MCF2L: variants seen among roughly 807,000 people sequenced by gnomAD.
MCF2L encodes guanine nucleotide exchange factor DBS.
MCF2L carries 97 observed loss-of-function variants against 153.4 expected under a neutral mutation model. The observed-to-expected ratio is 0.63, with a 90% CI of 0.54 to 0.75. The LOEUF (loss-of-function observed/expected upper bound fraction) is 0.75. Among genes scored for constraint, MCF2L ranks in the 30% least tolerant of loss-of-function variants. The pLI is 0.00. For synonymous variants in MCF2L, 659 were observed against 632.2 expected, an observed-to-expected ratio of 1.04 and a Z score of -0.64; for missense variants, 1,347 against 1,495.2, an observed-to-expected ratio of 0.90 and a Z score of 1.64.
chr13:113,011,283 A>G lies in MCF2L; in HGVS notation c.80-3480A>G, dbSNP rs566857925. ...CTGTGTGCAGTTTCTGATCACACAC[A>G]GGGGGATCCCTGCTTTTCATACCCA... On this transcript the variant is annotated intron_variant, in intron 1 of 29. Coordinates refer to ENST00000535094, the MANE Select transcript of MCF2L (RefSeq NM_001112732.3). Among the ~76,000 whole-genome samples the G allele has an allele frequency of 2.6e-5, 4 of 152,352 alleles. No individual in the cohort carries two copies. The South Asian group carries it at 6.2e-4, about 24-fold the overall frequency.
chr13:112,900,172 TG>T (rs2081106710), intron 1 of MCF2L, among the ~76,000 whole-genome samples: 1 of 152,250 alleles, frequency 6.6e-6, no homozygotes, highest in Admixed American at 6.5e-5. Context: ...ATTTTGCTTT[TG>T]TTTTTTTAAC....
chr13:113,079,306 A>G (rs917488407), intron 15 of MCF2L, among the ~76,000 whole-genome samples: 1 of 152,216 alleles, frequency 6.6e-6, no homozygotes, highest in African/African-American at 2.4e-5. Flanking sequence ...CAGGGAATGC[A>G]GGTCCCCAGA....
At position 112,941,758 on chromosome 13, in the gene MCF2L, ATATC is replaced by A. The variant is rs1258292054; in HGVS notation, c.169+39388_169+39391del. Among the ~76,000 whole-genome samples, 2 of 152,252 alleles carry A rather than the reference ATATC, an allele frequency of 1.3e-5. No individual in the cohort carries two copies. Among genetic ancestry groups the A allele is most frequent in the Admixed American group, 1.3e-4 (2 of 15,282 alleles). Reference sequence around the variant, plus strand: ...CGATCTTAGATGTGATTATATATGAATATCAATCATTAGTTTGTAGCAATTACTC... The same window carrying A: ...CGATCTTAGATGTGATTATATATGAAAATCATTAGTTTGTAGCAATTACTC... On this transcript the variant is annotated intron_variant, in intron 2 of 29. Coordinates refer to the MCF2L transcript ENST00000375608. The surrounding 1 kb of genome is among the most constrained non-coding windows in gnomAD (Gnocchi z 4.9).
chr13:112,973,853 G>A (rs1239566578), intron 1 of MCF2L, among the ~76,000 whole-genome samples: 1 of 152,184 alleles, frequency 6.6e-6, no homozygotes, highest in Admixed American at 6.5e-5. Flanking sequence ...AGAAGGGGAT[G>A]CCTGCGAGGT....
At chr13:112,947,678 C>A (rs538035677) in intron 2 of MCF2L, among the ~76,000 whole-genome samples, 1 of 152,316 alleles carries the variant, frequency 6.6e-6, no homozygotes, top group South Asian at 2.1e-4. Flanking sequence ...TGGGGTTGGG[C>A]ACCCCAGGTC....
intron 26 of MCF2L, among the ~76,000 whole-genome samples, chr13:113,091,769 C>T (rs147716317): frequency 6.6e-6 from 1 of 151,818 alleles, no homozygotes; most frequent in Non-Finnish European, 1.5e-5. Context: ...GTGAAAACTG[C>T]CCTGTGAAGC....
In MCF2L at chr13:112,986,407, C is replaced by T. The variant is rs116046659; in HGVS notation, c.79+16949C>T. 8.5e-3 allele frequency among the ~76,000 whole-genome samples: 1,290 copies of T among 152,310 alleles called. 19 individuals carry two copies. The highest frequency in any genetic ancestry group is 0.029 in the African/African-American group (1,213 of 41,550). On this transcript the variant is annotated intron_variant, in intron 1 of 29. Transcript: ENST00000535094. ...ATCACAGGGTTGTCAGAGCGTCCCA[C>T]GAACGGTGTGGGAGGACACAGCAGT...
intron 1 of MCF2L, among the ~76,000 whole-genome samples, chr13:113,005,387 C>T (rs2083619282): frequency 6.6e-6 from 1 of 152,212 alleles, no homozygotes; most frequent in Admixed American, 6.5e-5. Flanking sequence ...CACAGAGTTT[C>T]CGTTGTGCCA....
At chr13:113,025,762 G>T (rs1171471281) in intron 3 of MCF2L, among the ~76,000 whole-genome samples, 1 of 146,192 alleles carries the variant, frequency 6.8e-6, no homozygotes, top group Non-Finnish European at 1.5e-5. Context: ...CTGCAACTAT[G>T]GGATGAGGCA....
At chr13:113,085,523 G>A (rs1389541398) in intron 20 of MCF2L, among the ~76,000 whole-genome samples, 1 of 152,190 alleles carries the variant, frequency 6.6e-6, no homozygotes, top group African/African-American at 2.4e-5. Flanking sequence ...GGGGATTCCA[G>A]CTATGAGTTT....
At chr13:113,083,001 T>C (rs2034295833) in intron 17 of MCF2L, among the ~76,000 whole-genome samples, 1 of 152,142 alleles carries the variant, frequency 6.6e-6, no homozygotes, top group Non-Finnish European at 1.5e-5. Flanking sequence ...AAACTAGGCG[T>C]TCCTTACCCA....
chr13:112,953,792 C>T (rs546754233), intron 2 of MCF2L, among the ~76,000 whole-genome samples: 1 of 152,314 alleles, frequency 6.6e-6, no homozygotes, highest in African/African-American at 2.4e-5. Flanking sequence ...CCAGCCAGAC[C>T]CCAGCCTGAC....
In MCF2L at chr13:113,064,739, G is replaced by A. The variant is rs142990829; in HGVS notation, c.607-197G>A. ...AGGCGACTCTAGGTGACGGGCACAC[G>A]TGTAGAGTGTGCCTGGTATGTTTCT... On this transcript the variant is annotated intron_variant, in intron 6 of 29. Coordinates refer to ENST00000535094, the MANE Select transcript of MCF2L (RefSeq NM_001112732.3). The surrounding 1 kb of genome is among the most constrained non-coding windows in gnomAD (Gnocchi z 6.0). 839 of 621,832 alleles carry A rather than the reference G, an allele frequency of 1.3e-3. 6 individuals carry two copies. The highest frequency in any genetic ancestry group is 0.013 in the African/African-American group (703 of 54,212). 38.5% of individuals were successfully genotyped at this position (621,832 alleles called of 1,614,324 possible). A position where few individuals can be genotyped will look rare whatever the true frequency, so the allele number is the denominator to read the frequency against.
At chr13:112,926,133 T>C (rs555827242) in intron 2 of MCF2L, among the ~76,000 whole-genome samples, 2 of 152,348 alleles carry the variant, frequency 1.3e-5, no homozygotes, top group East Asian at 3.9e-4. Flanking sequence ...CTGTACAGCC[T>C]GGTCTGTTTG....
At chr13:113,030,219 C>T (rs1032253409) in intron 3 of MCF2L, among the ~76,000 whole-genome samples, 4 of 151,876 alleles carry the variant, frequency 2.6e-5, no homozygotes, top group South Asian at 2.1e-4. Flanking sequence ...TGCCGACGCC[C>T]GGTGTGGACT....
rs1279221500 is a variant in MCF2L, at chr13:113,061,809, TC to T, written c.489+1102del. ...TCTCCCCCTTCCCCTCCCTTCCCTCTCCCCCTTCCCCTCTTTTCTCTCCCCT... is the reference window on the plus strand; with the variant it reads ...TCTCCCCCTTCCCCTCCCTTCCCTCTCCCCTTCCCCTCTTTTCTCTCCCCT... On this transcript the variant is annotated intron_variant, in intron 5 of 29. Coordinates refer to ENST00000535094, the MANE Select transcript of MCF2L (RefSeq NM_001112732.3). 9.2e-3 allele frequency among the ~76,000 whole-genome samples: 188 copies of T among 20,504 alleles called. 14 individuals are homozygous for T. Among genetic ancestry groups the T allele is most frequent in the African/African-American group, 0.042 (179 of 4,254 alleles). 13.5% of individuals were successfully genotyped at this position (20,504 alleles called of 152,430 possible).
At chr13:112,919,859 A>C (rs1314478614) in intron 2 of MCF2L, among the ~76,000 whole-genome samples, 1 of 152,226 alleles carries the variant, frequency 6.6e-6, no homozygotes, top group Non-Finnish European at 1.5e-5. Context: ...TGCAATATCA[A>C]ATTTTTCATG....
chr13:113,029,362 A>G (rs2085503574), intron 3 of MCF2L, among the ~76,000 whole-genome samples: 1 of 152,148 alleles, frequency 6.6e-6, no homozygotes, highest in Non-Finnish European at 1.5e-5. Flanking sequence ...ACAATTCTTG[A>G]CACATTTCTA....
chr13:112,905,321 G>T (rs1381021001), intron 2 of MCF2L, among the ~76,000 whole-genome samples: 1 of 151,998 alleles, frequency 6.6e-6, no homozygotes, highest in Non-Finnish European at 1.5e-5. Context: ...ATCCTGATTG[G>T]CTACTTCAAA....
Sources: gnomAD v4.1 joint callset for allele counts (sites outside exome capture counted in the v4.1 genomes callset) on GRCh38, gnomAD v4.1.1 for gene constraint, Gnocchi (gnomAD v3.1) non-coding constraint, MANE v1.5 for transcripts, NCBI Gene and HGNC (gene_info 2026-07-23, HGNC 2026-07-21) for gene names.